PARD3: variants seen among roughly 807,000 people sequenced by gnomAD.
The protein encoded by PARD3 is partitioning defective 3 homolog.
In PARD3, 75 loss-of-function variants were observed where a neutral mutation model predicts 155.4. The ratio of observed to expected loss-of-function variants is 0.48; its 90% CI spans 0.40 to 0.58. The LOEUF (loss-of-function observed/expected upper bound fraction) is 0.58. Among genes scored for constraint, PARD3 ranks in the 20% least tolerant of loss-of-function variants. The pLI is 0.00. For missense variants in PARD3, 1,642 were observed against 1,721.7 expected, an observed-to-expected ratio of 0.95 and a Z score of 0.82; for synonymous variants, 576 against 610.5, an observed-to-expected ratio of 0.94 and a Z score of 0.83.
chr10:34,515,980 T>C (rs1364098101), intron 3 of PARD3, among the ~76,000 whole-genome samples: 16 of 151,670 alleles, frequency 1.1e-4, no homozygotes, highest in Non-Finnish European at 8.8e-5. Context: ...TCCTTTTTTT[T>C]TTCTCTCACT....
At chr10:34,545,055 C>G (rs1340758156) in intron 2 of PARD3, among the ~76,000 whole-genome samples, 2 of 152,196 alleles carry the variant, frequency 1.3e-5, no homozygotes, top group African/African-American at 4.8e-5. Flanking sequence ...TTTCAGTCTT[C>G]TATCACATGA....
intron 22 of PARD3, among the ~76,000 whole-genome samples, chr10:34,250,455 A>G (rs1954237707): frequency 6.6e-6 from 1 of 152,232 alleles, no homozygotes; most frequent in African/African-American, 2.4e-5. Flanking sequence ...CCTTTAAATC[A>G]TACCTAGCTA....
chr10:34,261,899 T>C (rs1169044511), intron 22 of PARD3, among the ~76,000 whole-genome samples: 1 of 152,178 alleles, frequency 6.6e-6, no homozygotes. Context: ...CAAGATGACC[T>C]TTTAAACAAA....
intron 2 of PARD3, among the ~76,000 whole-genome samples, chr10:34,695,390 G>A (rs904236119): frequency 6.0e-5 from 9 of 149,630 alleles, no homozygotes; most frequent in Admixed American, 3.4e-4. Context: ...CAGGAGAATC[G>A]CTTGAACCCA....
chr10:34,321,369 C>G (rs1051119160), intron 19 of PARD3, among the ~76,000 whole-genome samples: 4 of 152,094 alleles, frequency 2.6e-5, no homozygotes, highest in East Asian at 1.9e-4. Flanking sequence ...ATTTTAAGTG[C>G]TATATACATT....
intron 22 of PARD3, among the ~76,000 whole-genome samples, chr10:34,181,276 C>T (rs1274466): frequency 0.56 from 85,450 of 152,010 alleles, 24,462 homozygotes; most frequent in African/African-American, 0.65. Context: ...CCAGACCAAC[C>T]ATAAACACTG....
intron 2 of PARD3, among the ~76,000 whole-genome samples, chr10:34,603,953 G>A (rs1192107407): frequency 6.6e-6 from 1 of 152,188 alleles, no homozygotes; most frequent in Admixed American, 6.5e-5. Flanking sequence ...ACGGTCAAAG[G>A]TGTCTTCAGT....
intron 22 of PARD3, among the ~76,000 whole-genome samples, chr10:34,231,086 T>C (rs1952901164): frequency 6.6e-6 from 1 of 151,586 alleles, no homozygotes; most frequent in Admixed American, 6.6e-5. Flanking sequence ...AAAGCGGAGG[T>C]TCATCCTAGC....
rs149163568 is a variant in PARD3, at chr10:34,266,988, T to C, written c.3419+2669A>G. 2.4e-3 allele frequency among the ~76,000 whole-genome samples: 369 copies of C among 152,346 alleles called. 5 individuals carry two copies. The highest frequency in any genetic ancestry group is 0.021 in the Admixed American group (318 of 15,294). The stretch of plus-strand genomic sequence containing the variant: ...GAACCCATCTGACTCCTGGCTTTGA[T>C]GTCATGTGGGACTTCTGAGCTGTGT... On this transcript the variant is annotated intron_variant, in intron 22 of 24. Coordinates refer to ENST00000374788, the MANE Select transcript of PARD3 (RefSeq NM_001184785.2).
At chr10:34,555,439 T>C (rs2084908449) in intron 2 of PARD3, among the ~76,000 whole-genome samples, 1 of 152,174 alleles carries the variant, frequency 6.6e-6, no homozygotes, top group East Asian at 1.9e-4. Flanking sequence ...TACAAAATCT[T>C]TTATACTGCC....
intron 22 of PARD3, among the ~76,000 whole-genome samples, chr10:34,232,864 C>G (rs1039631252): frequency 2.6e-5 from 4 of 151,862 alleles, no homozygotes; most frequent in Admixed American, 1.3e-4. Context: ...TCACGTGTGG[C>G]TAATTTTTTA....
chr10:34,226,236 T>A lies in PARD3; in HGVS notation c.3419+43421A>T, dbSNP rs1952593314. On this transcript the variant is annotated intron_variant, in intron 22 of 24. Coordinates refer to ENST00000374788, the MANE Select transcript of PARD3 (RefSeq NM_001184785.2). The stretch of plus-strand genomic sequence containing the variant: ...TCATAAAATACCACTTCACACTCAC[T>A]AGGATGGCTATAATAAAAAGGATAC... Among the ~76,000 whole-genome samples the A allele has an allele frequency of 1.3e-5, 2 of 152,226 alleles. 1 individual carries two copies. The highest frequency in any genetic ancestry group is 4.1e-4 in the South Asian group (2 of 4,826).
rs12254867 is a variant in PARD3 at position 34,504,906 on chromosome 10, C to T, written c.403+12073G>A. On this transcript the variant is annotated intron_variant, in intron 3 of 24. Coordinates refer to ENST00000374788, the MANE Select transcript of PARD3 (RefSeq NM_001184785.2). ...AAGGAGAGATCTATATCAAGTGCAG[C>T]GAGAAGAGGGGAAAGAATTGTATCT... Among the ~76,000 whole-genome samples, 287 of 152,156 alleles carry T rather than the reference C, an allele frequency of 1.9e-3. 1 individual carries two copies. Among genetic ancestry groups the T allele is most frequent in the African/African-American group, 6.5e-3 (271 of 41,492 alleles).
intron 2 of PARD3, among the ~76,000 whole-genome samples, chr10:34,607,227 G>A (rs1461749960): frequency 6.6e-6 from 1 of 152,112 alleles, no homozygotes; most frequent in Non-Finnish European, 1.5e-5. Flanking sequence ...AAAAGTGTAA[G>A]AAATTCCGGC....
intron 2 of PARD3, among the ~76,000 whole-genome samples, chr10:34,527,221 C>T (rs941071345): frequency 6.6e-6 from 1 of 152,176 alleles, no homozygotes; most frequent in East Asian, 1.9e-4. Context: ...GATGATGCAG[C>T]AGGGGTCAGC....
chr10:34,715,118 C>T (rs568200546), intron 1 of PARD3, among the ~76,000 whole-genome samples: 1 of 151,640 alleles, frequency 6.6e-6, no homozygotes, highest in Admixed American at 6.6e-5. Context: ...CGCTCTGTCA[C>T]CCAGGCTGGA....
At chr10:34,254,322 T>A (rs1588949971) in intron 22 of PARD3, among the ~76,000 whole-genome samples, 1 of 151,852 alleles carries the variant, frequency 6.6e-6, no homozygotes, top group African/African-American at 2.4e-5. Flanking sequence ...GAGCTTGCAG[T>A]GAGCCGAGAT....
At chr10:34,659,053 A>C (rs1229552853) in intron 2 of PARD3, among the ~76,000 whole-genome samples, 2 of 152,212 alleles carry the variant, frequency 1.3e-5, no homozygotes, top group African/African-American at 4.8e-5. Flanking sequence ...GTGAAGAGTA[A>C]GGCAATGCAA....
intron 22 of PARD3, among the ~76,000 whole-genome samples, chr10:34,150,614 C>T (rs1300175486): frequency 6.6e-6 from 1 of 152,084 alleles, no homozygotes; most frequent in Non-Finnish European, 1.5e-5. Flanking sequence ...GCAAAAGATT[C>T]ATTGCTGGGA....
Sources: gnomAD v4.1 joint callset for allele counts (sites outside exome capture counted in the v4.1 genomes callset) on GRCh38, gnomAD v4.1.1 for gene constraint, MANE v1.5 for transcripts, NCBI Gene and HGNC (gene_info 2026-07-23, HGNC 2026-07-21) for gene names.